The following ANKFN1 variants were observed in gnomAD, a reference collection of about 807,000 sequenced individuals.
The protein encoded by ANKFN1 is ankyrin repeat and fibronectin type III domain containing 1.
Under a neutral mutation model 108.7 loss-of-function variants are expected in ANKFN1, and 74 were observed. That is an observed-to-expected ratio of 0.68 (90% confidence interval 0.56 to 0.83). The LOEUF (loss-of-function observed/expected upper bound fraction) is 0.83, where lower values mean the gene tolerates loss of function less well. Among genes scored for constraint, ANKFN1 ranks in the 40% least tolerant of loss-of-function variants. The probability of loss-of-function intolerance (pLI) is 0.00; values close to 1 mark genes in which losing one functional copy is unlikely to be tolerated. For synonymous variants in ANKFN1, 547 were observed against 516.2 expected (o/e 1.06, Z -0.81); for missense variants, 1,505 against 1,382.3 (o/e 1.09, Z -1.41).
rs549943200 is a variant in ANKFN1, at chr17:56,163,751, A to G, written c.-71+10221A>G. ...ATTTAGCTCTACCTAATAGTGTTTG[A>G]CTTCTTTTTCCTTCCCTTCCAATGC... On this transcript the variant is annotated intron_variant, in intron 1 of 20. Coordinates refer to ENST00000682825, the MANE Select transcript of ANKFN1 (RefSeq NM_001370326.1). Among the ~76,000 whole-genome samples, 4 of 152,278 alleles carry G rather than the reference A, an allele frequency of 2.6e-5. No individual in the cohort carries two copies. The South Asian group carries it at 8.3e-4, about 32-fold the overall frequency.
chr17:56,501,894 AC>A (rs2051383849), intron 20 of ANKFN1, among the ~76,000 whole-genome samples: 1 of 152,240 alleles, frequency 6.6e-6, no homozygotes, highest in African/African-American at 2.4e-5. Context: ...GCTTTTCTCA[AC>A]AAGGAAGTCA....
intron 4 of ANKFN1, among the ~76,000 whole-genome samples, chr17:56,085,519 C>A (rs1259847136): frequency 6.6e-6 from 1 of 151,138 alleles, no homozygotes; most frequent in Non-Finnish European, 1.5e-5. Context: ...CGATTTCAGA[C>A]TTCTGGGTTC....
At chr17:56,232,349 G>GT (rs1181957149) in intron 3 of ANKFN1, among the ~76,000 whole-genome samples, 1 of 152,052 alleles carries the variant, frequency 6.6e-6, no homozygotes, top group African/African-American at 2.4e-5. Context: ...TCTCGTTCTG[G>GT]TGTGTTAGTT....
chr17:56,133,443 T>C (rs550136770), intron 4 of ANKFN1, among the ~76,000 whole-genome samples: 6 of 152,184 alleles, frequency 3.9e-5, no homozygotes, highest in East Asian at 1.9e-4. Flanking sequence ...TCCTTTGTTC[T>C]GATGTGCTGA....
At position 56,178,331 on chromosome 17, in the gene ANKFN1, C is replaced by T. The variant is rs78209677; in HGVS notation, c.-71+24801C>T. ...GGGGGACATTCATTTAAATATGCCC[C>T]GCTATAAATCATATCATTAGATACG... On this transcript the variant is annotated intron_variant, in intron 1 of 20. Coordinates refer to ENST00000682825, the MANE Select transcript of ANKFN1 (RefSeq NM_001370326.1). 9.5e-3 allele frequency among the ~76,000 whole-genome samples: 1,450 copies of T among 152,218 alleles called. 23 individuals carry two copies. Among genetic ancestry groups the T allele is most frequent in the African/African-American group, 0.033 (1,390 of 41,532 alleles).
intron 1 of ANKFN1, among the ~76,000 whole-genome samples, chr17:56,210,776 G>C (rs1914928041): frequency 6.6e-6 from 1 of 152,170 alleles, no homozygotes. Context: ...GGTAGCAGGA[G>C]AGAGAATGAG....
chr17:56,320,724 G>C (rs1026876457), intron 3 of ANKFN1, among the ~76,000 whole-genome samples: 1 of 152,192 alleles, frequency 6.6e-6, no homozygotes. Context: ...CTGCTGAGAG[G>C]ACGGATGAAG....
chr17:56,264,135 A>G (rs1446329668), intron 3 of ANKFN1, among the ~76,000 whole-genome samples: 1 of 152,196 alleles, frequency 6.6e-6, no homozygotes, highest in African/African-American at 2.4e-5. Context: ...GATGCCATGG[A>G]ACTCTGGGAA....
At chr17:56,101,430 T>A (rs1905644618) in intron 4 of ANKFN1, among the ~76,000 whole-genome samples, 1 of 152,256 alleles carries the variant, frequency 6.6e-6, no homozygotes, top group Non-Finnish European at 1.5e-5. Flanking sequence ...TATTCATTTG[T>A]GTCAAAAGCC....
chr17:56,081,482 G>A (rs112176598), intron 4 of ANKFN1, among the ~76,000 whole-genome samples: 3,811 of 151,966 alleles, frequency 0.025, 145 homozygotes, highest in African/African-American at 0.086. Context: ...CCTCCAGAGT[G>A]GCTGGGACTA....
intron 9 of ANKFN1, among the ~76,000 whole-genome samples, chr17:56,440,949 T>A (rs554266479): frequency 6.6e-6 from 1 of 152,120 alleles, no homozygotes. Context: ...GGTGGAGCTA[T>A]GTTTCTCAGC....
chr17:56,182,473 C>A (rs773800462), intron 1 of ANKFN1, among the ~76,000 whole-genome samples: 10 of 152,168 alleles, frequency 6.6e-5, no homozygotes, highest in Non-Finnish European at 1.2e-4. Context: ...TTCCCAAAGA[C>A]AAAACCTAGT....
chr17:56,351,877 G>A (rs1448373424), intron 5 of ANKFN1, among the ~76,000 whole-genome samples: 1 of 152,154 alleles, frequency 6.6e-6, no homozygotes, highest in East Asian at 1.9e-4. Context: ...TCTTAAAACA[G>A]AAATGAGTCC....
chr17:56,153,385 A>T, upstream of ANKFN1: 1 of 1,226,634 alleles, frequency 8.2e-7, no homozygotes, highest in Non-Finnish European at 1.2e-6. Context: ...AGAGGCAGCC[A>T]TGCTCAGTCT....
In ANKFN1 at chr17:56,372,765, A is replaced by G; in HGVS notation, c.721A>G (p.Lys241Glu). Residue 241 changes from lysine (K) to glutamate (E), a missense_variant, in exon 7 of 21, where the codon AAA (lysine) becomes GAA (glutamate). Physicochemically the swap from Lys to Glu is moderately conservative, Grantham distance 56. Transcript: ENST00000682825. ...AGGATTCACTCTGGACAACACAGAG[A>G]AAGAGAAGCAGCTGAAAGCTTGGGA... ...NEGFTLDNTE[K>E]EKQLKAWEWR... is the part of the protein sequence containing the mutation. 1 of 1,614,044 alleles carries G rather than the reference A, an allele frequency of 6.2e-7. No homozygotes were observed. The highest frequency in any genetic ancestry group is 8.5e-7 in the Non-Finnish European group (1 of 1,179,972).
chr17:56,381,499 G>A (rs910969550), intron 8 of ANKFN1, among the ~76,000 whole-genome samples: 1 of 152,150 alleles, frequency 6.6e-6, no homozygotes, highest in African/African-American at 2.4e-5. Context: ...AGCTACAGGA[G>A]GCAATTCAAA....
chr17:56,062,020 T>C (rs190648591), intron 4 of ANKFN1, among the ~76,000 whole-genome samples: 132 of 152,344 alleles, frequency 8.7e-4, no homozygotes, highest in African/African-American at 2.9e-3. Context: ...TGTTATTCAA[T>C]TTCCATGTAG....
chr17:56,295,936 C>T (rs1356926285), intron 3 of ANKFN1, among the ~76,000 whole-genome samples: 1 of 152,238 alleles, frequency 6.6e-6, no homozygotes, highest in East Asian at 1.9e-4. Flanking sequence ...GGTCCCACCA[C>T]TTAACACTGT....
chr17:56,358,494 T>G (rs2046430013), intron 6 of ANKFN1, among the ~76,000 whole-genome samples: 1 of 152,194 alleles, frequency 6.6e-6, no homozygotes, highest in African/African-American at 2.4e-5. Flanking sequence ...ACTTGTACAC[T>G]GCTCTCAAGT....
Sources: allele counts gnomAD v4.1 joint callset (sites outside exome capture counted in the v4.1 genomes callset), GRCh38; gene constraint gnomAD v4.1.1; transcripts MANE v1.5; gene names NCBI Gene and HGNC (gene_info 2026-07-23, HGNC 2026-07-21).